Variants in ORC4 observed in about 807,000 individuals in gnomAD.
ORC4 encodes the protein origin recognition complex subunit 4.
ORC4 carries 55 observed loss-of-function variants against 63.9 expected under a neutral mutation model. That is an observed-to-expected ratio of 0.86 (90% CI 0.69 to 1.08). The LOEUF (loss-of-function observed/expected upper bound fraction) is 1.08. Among genes scored for constraint, ORC4 ranks in the 50% least tolerant of loss-of-function variants. The pLI is 0.00. For missense variants in ORC4, 511 were observed against 504.4 expected, an observed-to-expected ratio of 1.01 and a Z score of -0.13; for synonymous variants, 150 against 168.5, an observed-to-expected ratio of 0.89 and a Z score of 0.85.
intron 1 of ORC4, among the ~76,000 whole-genome samples, chr2:148,004,239 C>T (rs1159587808): frequency 6.6e-6 from 1 of 152,104 alleles, no homozygotes; most frequent in Non-Finnish European, 1.5e-5. Flanking sequence ...TGACTTTCTT[C>T]ACAGAATTAG....
Position 147,975,895 on chromosome 2 carries a change from T to C in ORC4, c.57+7A>G. On this transcript the variant is annotated splice_region_variant and intron_variant, in intron 2 of 13. Coordinates refer to ENST00000392857, the MANE Select transcript of ORC4 (RefSeq NM_181741.4). ...ATATCTTGAGATTAATGAAAATACATACTAACCTGTGAAAGGCACTCTGTG... is the reference window on the plus strand; with the variant it reads ...ATATCTTGAGATTAATGAAAATACACACTAACCTGTGAAAGGCACTCTGTG... 1.3e-6 allele frequency: 2 copies of C among 1,489,244 alleles called. No individual in the cohort carries two copies. The highest frequency in any genetic ancestry group is 1.9e-6 in the Non-Finnish European group (2 of 1,066,208). The allele number at this position is 1,489,244 out of a possible 1,614,324, so 92.3% of individuals were successfully genotyped here.
At chr2:147,953,330 T>G (rs1270432813) in intron 7 of ORC4, among the ~76,000 whole-genome samples, 2 of 152,132 alleles carry the variant, frequency 1.3e-5, no homozygotes, top group Non-Finnish European at 2.9e-5. Flanking sequence ...TGCAGTCTAG[T>G]TCCTAGACTC....
Position 147,961,875 on chromosome 2 carries a change from T to G in ORC4, c.226-3009A>C, listed in dbSNP as rs183062030. 2.6e-5 allele frequency among the ~76,000 whole-genome samples: 4 copies of G among 152,280 alleles called. No individual in the cohort carries two copies. The East Asian group carries it at 7.7e-4, about 29-fold the overall frequency. ...AAACCTATAGGGGTTTATGAAAAGG[T>G]GCTATAACGTGGAAGGGAACAACAA... On this transcript the variant is annotated intron_variant, in intron 4 of 13. Coordinates refer to ENST00000392857, the MANE Select transcript of ORC4 (RefSeq NM_181741.4).
At chr2:147,976,452 A>T (rs907130302) in intron 1 of ORC4, among the ~76,000 whole-genome samples, 1 of 152,128 alleles carries the variant, frequency 6.6e-6, no homozygotes, top group Non-Finnish European at 1.5e-5. Flanking sequence ...TTATTGTGAT[A>T]TTTGCTTCAC....
In ORC4 at chr2:147,958,857, GATTT is replaced by G. The variant is rs750294536; in HGVS notation, c.231_234del (p.Asn78MetfsTer3). The G allele has an allele frequency of 3.9e-6, 5 of 1,291,024 alleles. No individual in the cohort carries two copies. Among genetic ancestry groups the G allele is most frequent in the South Asian group, 2.4e-5 (2 of 82,686 alleles). The allele number at this position is 1,291,024 out of a possible 1,614,324, so 80.0% of individuals were successfully genotyped here. On this transcript the variant is annotated frameshift_variant, in exon 5 of 14. Coordinates refer to ENST00000392857, the MANE Select transcript of ORC4 (RefSeq NM_181741.4). LOFTEE classifies it high-confidence loss of function. ...ATTTCCATGAGTTCTTTCAAAGCATGATTTATTAACTAAATATGAAAAGTTTATG... is the reference window on the plus strand; with the variant it reads ...ATTTCCATGAGTTCTTTCAAAGCATGATTAACTAAATATGAAAAGTTTATG...
intron 1 of ORC4, among the ~76,000 whole-genome samples, chr2:147,991,499 T>C (rs572181619): frequency 8.1e-4 from 124 of 152,264 alleles, no homozygotes; most frequent in Middle Eastern, 3.4e-3. Flanking sequence ...AGAGAGTTAA[T>C]ACTATGATAT....
In ORC4 at chr2:147,935,174, G is replaced by A. The variant is rs1430967514; in HGVS notation, c.*336C>T. On this transcript the variant is annotated 3_prime_UTR_variant, in exon 14 of 14. Transcript: ENST00000392857. ...TGTTTTTTTTACTCCTTTGGTTTAA[G>A]GTTTGTAAAGACATCTAGCTGTTAG... 3.8e-6 allele frequency: 1 copy of A among 260,320 alleles called. No homozygotes were observed. Among genetic ancestry groups the A allele is most frequent in the Non-Finnish European group, 7.5e-6 (1 of 133,794 alleles). The allele number at this position is 260,320 out of a possible 1,614,324, so 16.1% of individuals were successfully genotyped here. A position where few individuals can be genotyped will look rare whatever the true frequency, so the allele number is the denominator to read the frequency against.
intron 5 of ORC4, 187 bp from the exon 6 acceptor site, chr2:147,958,570 TAA>T (rs76972301): frequency 1.6e-4 from 70 of 450,082 alleles, no homozygotes; most frequent in South Asian, 3.9e-4. Context: ...TTAGAATGAT[TAA>T]AAAAAAAAAA....
chr2:147,976,900 T>C (rs1371953270), intron 1 of ORC4, among the ~76,000 whole-genome samples: 1 of 148,742 alleles, frequency 6.7e-6, no homozygotes, highest in Non-Finnish European at 1.5e-5. Flanking sequence ...AAAATTATAT[T>C]TTTTGTAAAA....
At chr2:147,991,369 T>G (rs539942102) in intron 1 of ORC4, among the ~76,000 whole-genome samples, 130 of 152,208 alleles carry the variant, frequency 8.5e-4, no homozygotes, top group Non-Finnish European at 1.7e-3. Flanking sequence ...TTTTAATAAG[T>G]GTACTTACTT....
rs142730864 is a variant in ORC4, at chr2:147,989,423, C to T, written c.-17-13448G>A. Among the ~76,000 whole-genome samples the T allele has an allele frequency of 7.0e-4, 107 of 152,004 alleles. 2 individuals carry two copies. The highest frequency in any genetic ancestry group is 6.0e-3 in the Admixed American group (92 of 15,248). On this transcript the variant is annotated intron_variant, in intron 1 of 13. Transcript: ENST00000392857. Reference sequence around the variant, plus strand: ...AAAAATATAAAAACATACCACTTTTCGGCTGGGCGCAGTGGCTCACACCTG... The same window carrying T: ...AAAAATATAAAAACATACCACTTTTTGGCTGGGCGCAGTGGCTCACACCTG...
intron 10 of ORC4, 32 bp from the exon 11 acceptor site, chr2:147,939,280 G>A (rs778112180): frequency 1.3e-5 from 18 of 1,350,156 alleles, no homozygotes; most frequent in East Asian, 2.3e-5. Context: ...AAACAATTAC[G>A]TATTTACATG....
At position 147,939,214 on chromosome 2, in the gene ORC4, G is replaced by A; in HGVS notation, c.884C>T (p.Pro295Leu). Residue 295 changes from proline to leucine, a missense_variant, in exon 11 of 14, where the codon CCA (proline) becomes CTA (leucine). Pro to Leu is a moderately conservative substitution (Grantham distance 98). Transcript: ENST00000392857. ...CATTAGATCTACGGCAGTCATAAAT[G>A]GGTGCGATGCTGTTACTCGATTTAA... ...LALNRVTASH[P>L]FMTAVDLMEA... 6.2e-7 allele frequency: 1 copy of A among 1,612,722 alleles called. No homozygotes were observed. Among genetic ancestry groups the A allele is most frequent in the Non-Finnish European group, 8.5e-7 (1 of 1,178,918 alleles).
At position 148,009,754 on chromosome 2, in the gene ORC4, G is replaced by A. The variant is rs560299974; in HGVS notation, c.-18+10879C>T. 1.5e-3 allele frequency among the ~76,000 whole-genome samples: 235 copies of A among 152,272 alleles called. 1 individual carries two copies. The highest frequency in any genetic ancestry group is 0.01 in the Middle Eastern group (3 of 292). On this transcript the variant is annotated intron_variant, in intron 1 of 13. Coordinates refer to ENST00000392857, the MANE Select transcript of ORC4 (RefSeq NM_181741.4). ...TTACAGAAGCTGTCATCCAACAGCC[G>A]CAGAATACATTCTTCTCCTTAGCAC... is the stretch of plus-strand genomic sequence containing the variant.
At chr2:147,997,005 G>T (rs545949167) in intron 1 of ORC4, among the ~76,000 whole-genome samples, 2 of 152,278 alleles carry the variant, frequency 1.3e-5, no homozygotes, top group East Asian at 3.9e-4. Context: ...GTAAGCAAGA[G>T]TGTCCTTCAA....
intron 1 of ORC4, among the ~76,000 whole-genome samples, chr2:147,993,480 C>G (rs1435657648): frequency 6.6e-6 from 1 of 152,036 alleles, no homozygotes; most frequent in Non-Finnish European, 1.5e-5. Flanking sequence ...AGGAATAATA[C>G]ATTGTTTCTA....
chr2:148,008,908 A>G (rs912216895), intron 1 of ORC4, among the ~76,000 whole-genome samples: 2 of 150,314 alleles, frequency 1.3e-5, no homozygotes, highest in Non-Finnish European at 3.0e-5. Flanking sequence ...TTCGAGTGCT[A>G]TTTCTTTTGC....
chr2:147,946,325 A>G (rs1254671541), intron 9 of ORC4, among the ~76,000 whole-genome samples: 1 of 152,074 alleles, frequency 6.6e-6, no homozygotes, highest in African/African-American at 2.4e-5. Flanking sequence ...AAGTACAGAC[A>G]TTTAAATACT....
At chr2:147,975,862 A>G (rs758750120) in intron 2 of ORC4, 40 bp downstream of exon 2, 4 of 1,139,318 alleles carry the variant, frequency 3.5e-6, no homozygotes, top group South Asian at 1.2e-5. Flanking sequence ...ACAGCTTTAC[A>G]GGGTAAAATA....
Sources: gnomAD v4.1 joint callset for allele counts (sites outside exome capture counted in the v4.1 genomes callset) on GRCh38, gnomAD v4.1.1 for gene constraint, MANE v1.5 for transcripts, NCBI Gene and HGNC (gene_info 2026-07-23, HGNC 2026-07-21) for gene names.